PEX5L: variants seen among roughly 807,000 people sequenced by gnomAD.
PEX5L encodes PEX5-related protein.
A neutral mutation model predicts 84.0 loss-of-function variants in PEX5L; 30 were observed. The observed-to-expected ratio is 0.36, with a 90% CI of 0.27 to 0.48. The LOEUF (loss-of-function observed/expected upper bound fraction) is 0.48, where lower values mean the gene tolerates loss of function less well. Among genes scored for constraint, PEX5L ranks in the 20% least tolerant of loss-of-function variants. The pLI is 0.99. For missense variants in PEX5L, 533 were observed against 754.6 expected, an observed-to-expected ratio of 0.71 and a Z score of 3.44; for synonymous variants, 270 against 283.1, an observed-to-expected ratio of 0.95 and a Z score of 0.46.
intron 1 of PEX5L, among the ~76,000 whole-genome samples, chr3:180,017,117 G>C (rs1404228454): frequency 6.6e-6 from 1 of 152,130 alleles, no homozygotes; most frequent in Non-Finnish European, 1.5e-5. Context: ...AAAAAGATCT[G>C]TTTACAGATT....
intron 10 of PEX5L, among the ~76,000 whole-genome samples, 188 bp downstream of exon 10, chr3:179,815,673 A>T (rs1725791506): frequency 6.6e-6 from 1 of 152,222 alleles, no homozygotes; most frequent in Non-Finnish European, 1.5e-5. Context: ...CACTGTAAAC[A>T]CTGCCAATTA....
intron 8 of PEX5L, among the ~76,000 whole-genome samples, chr3:179,854,889 A>T (rs1186518187): frequency 6.6e-6 from 1 of 152,162 alleles, no homozygotes; most frequent in Non-Finnish European, 1.5e-5. Flanking sequence ...ACAAGAAAGG[A>T]CCCAGTGATA....
intron 10 of PEX5L, among the ~76,000 whole-genome samples, chr3:179,814,954 C>T (rs1725465053): frequency 6.6e-6 from 1 of 152,088 alleles, no homozygotes; most frequent in African/African-American, 2.4e-5. Context: ...AACTTGACTC[C>T]CCTATTGCCT....
chr3:180,032,959 A>G (rs1417625634), intron 1 of PEX5L, among the ~76,000 whole-genome samples: 8 of 152,178 alleles, frequency 5.3e-5, no homozygotes, highest in Non-Finnish European at 1.2e-4. Flanking sequence ...TGAGGGCCTC[A>G]ATTATGATAA....
Position 180,034,216 on chromosome 3 carries a change from A to T in PEX5L, c.21+2363T>A, listed in dbSNP as rs1406425580. ...AGAAAAGAGAAGAATTAGAATGCAT[A>T]GCAAAAGATTGCAAACATTTCTGTT... On this transcript the variant is annotated intron_variant, in intron 1 of 14. Transcript: ENST00000467460. 2.0e-5 allele frequency among the ~76,000 whole-genome samples: 3 copies of T among 152,356 alleles called. No individual in the cohort carries two copies. The East Asian group carries it at 5.8e-4, about 29-fold the overall frequency.
At chr3:179,990,394 T>C (rs746920991) in intron 1 of PEX5L, among the ~76,000 whole-genome samples, 30 of 130,794 alleles carry the variant, frequency 2.3e-4, no homozygotes, top group Non-Finnish European at 3.8e-4. Context: ...TATGTCATTC[T>C]GATATCTTTT....
At chr3:180,007,688 T>A (rs1789041864) in intron 1 of PEX5L, among the ~76,000 whole-genome samples, 1 of 152,378 alleles carries the variant, frequency 6.6e-6, no homozygotes, top group South Asian at 2.1e-4. Context: ...ACCTCAATTC[T>A]TGACTTTTGT....
intron 8 of PEX5L, among the ~76,000 whole-genome samples, chr3:179,823,652 C>T (rs1477929594): frequency 1.3e-5 from 2 of 152,214 alleles, no homozygotes; most frequent in Admixed American, 6.5e-5. Flanking sequence ...TTTTCTTCAA[C>T]ATTCCCACAC....
intron 7 of PEX5L, among the ~76,000 whole-genome samples, chr3:179,871,100 C>CTTTTTTTT (rs397801213): frequency 2.1e-5 from 2 of 95,028 alleles, no homozygotes; most frequent in African/African-American, 4.5e-5. Context: ...TTGAGTTATA[C>CTTTTTTTT]TTTTTTTTTT....
At chr3:179,921,220 T>TTTTATTG (rs1425226884) in intron 2 of PEX5L, among the ~76,000 whole-genome samples, 3 of 152,120 alleles carry the variant, frequency 2.0e-5, no homozygotes, top group African/African-American at 7.2e-5. Flanking sequence ...CCTAAAAATT[T>TTTTATTG]GGACTTTCCA....
chr3:179,828,483 G>A (rs533314425), intron 8 of PEX5L, among the ~76,000 whole-genome samples: 11 of 152,174 alleles, frequency 7.2e-5, no homozygotes, highest in African/African-American at 2.7e-4. Flanking sequence ...TCAGCACCAG[G>A]TCCATACCTT....
intron 2 of PEX5L, among the ~76,000 whole-genome samples, chr3:179,964,936 G>A (rs909176818): frequency 2.0e-5 from 3 of 152,198 alleles, no homozygotes; most frequent in African/African-American, 7.2e-5. Flanking sequence ...TTTTATAGCA[G>A]AGCAGCCTGT....
At chr3:179,860,272 T>A (rs1223995607) in intron 7 of PEX5L, among the ~76,000 whole-genome samples, 1 of 152,232 alleles carries the variant, frequency 6.6e-6, no homozygotes, top group Non-Finnish European at 1.5e-5. Context: ...GGATGAGGCA[T>A]GCACTGAGAC....
chr3:179,868,862 A>G (rs1749292520), intron 7 of PEX5L, among the ~76,000 whole-genome samples: 1 of 152,038 alleles, frequency 6.6e-6, no homozygotes, highest in Admixed American at 6.6e-5. Flanking sequence ...AAGATGGTAT[A>G]TAAGCTTCTG....
chr3:179,909,787 A>G lies in PEX5L; in HGVS notation c.94-11541T>C, dbSNP rs77656228. Among the ~76,000 whole-genome samples, 1,014 of 152,360 alleles carry G rather than the reference A, an allele frequency of 6.7e-3. 6 individuals are homozygous for G. The highest frequency in any genetic ancestry group is 9.3e-3 in the Non-Finnish European group (636 of 68,032). ...ATTCTTATAAGAAAAGGAAATTAAG[A>G]CACAGACATTCACAGAGGGAAGACC... is the stretch of plus-strand genomic sequence containing the variant. On this transcript the variant is annotated intron_variant, in intron 2 of 14. Transcript: ENST00000467460.
At chr3:179,949,227 AT>A (rs974166822) in intron 2 of PEX5L, among the ~76,000 whole-genome samples, 15 of 152,204 alleles carry the variant, frequency 9.9e-5, no homozygotes, top group Non-Finnish European at 1.8e-4. Context: ...TAAAAAAAAA[AT>A]AAGTAGTTTT....
chr3:179,807,657 C>G lies in PEX5L; in HGVS notation c.1676+17G>C, dbSNP rs1187316562. The G allele has an allele frequency of 6.2e-7, 1 of 1,611,756 alleles. No individual in the cohort carries two copies. Among genetic ancestry groups the G allele is most frequent in the Admixed American group, 1.7e-5 (1 of 59,972 alleles). The stretch of plus-strand genomic sequence containing the variant: ...CCTGGGCATGGCCTTCATCCTTGGC[C>G]TGTTGCTGTACTTCACCTGTAGGCG... On this transcript the variant is annotated intron_variant, in intron 14 of 14. Transcript: ENST00000467460.
intron 8 of PEX5L, among the ~76,000 whole-genome samples, chr3:179,834,522 C>T (rs1343488035): frequency 6.6e-6 from 1 of 152,144 alleles, no homozygotes; most frequent in Non-Finnish European, 1.5e-5. Context: ...CTGCTTTGGG[C>T]CCTGCCGTGG....
At chr3:179,803,781 C>T (rs1405574976) in intron 14 of PEX5L, among the ~76,000 whole-genome samples, 4 of 152,138 alleles carry the variant, frequency 2.6e-5, no homozygotes, top group Non-Finnish European at 5.9e-5. Flanking sequence ...CAGGGATTTG[C>T]TCATCTATAT....
Sources: gnomAD v4.1 joint callset for allele counts (sites outside exome capture counted in the v4.1 genomes callset) on GRCh38, gnomAD v4.1.1 for gene constraint, MANE v1.5 for transcripts, NCBI Gene and HGNC (gene_info 2026-07-23, HGNC 2026-07-21) for gene names.